The following GALNT17 variants were observed in gnomAD, a reference collection of about 807,000 sequenced individuals.
GALNT17 encodes UDP-GalNAc:polypeptide N-acetylgalactosaminyltransferase-like 3.
In GALNT17, 29 loss-of-function variants were observed where a neutral mutation model predicts 63.7. The ratio of observed to expected loss-of-function variants is 0.46; its 90% CI spans 0.34 to 0.62. The LOEUF (loss-of-function observed/expected upper bound fraction) is 0.62. Among genes scored for constraint, GALNT17 ranks in the 20% least tolerant of loss-of-function variants. The pLI, the probability that GALNT17 is intolerant of heterozygous loss-of-function variation, is 0.01. For missense variants in GALNT17, 603 were observed against 799.6 expected, an observed-to-expected ratio of 0.75 and a Z score of 2.97; for synonymous variants, 305 against 318.3, an observed-to-expected ratio of 0.96 and a Z score of 0.45.
In GALNT17 at chr7:71,378,182, G is replaced by A. The variant is rs539147378; in HGVS notation, c.423-10053G>A. 9.9e-5 allele frequency among the ~76,000 whole-genome samples: 15 copies of A among 152,256 alleles called. No homozygotes were observed. In the South Asian group the frequency reaches 3.1e-3, roughly 32 times the overall value. On this transcript the variant is annotated intron_variant, in intron 2 of 10. Transcript: ENST00000333538. ...TTTGTACGGGAGACTGCTCTGTGAG[G>A]GAACTGAGCTAATGAGGTGTGTTGT...
chr7:71,693,263 T>TACACACACACACACAC, intron 9 of GALNT17, among the ~76,000 whole-genome samples: 2 of 108,896 alleles, frequency 1.8e-5, no homozygotes, highest in African/African-American at 7.2e-5. Context: ...CACACACACA[T>TACACACACACACACAC]ACACACACAC....
At chr7:71,351,419 C>A (rs1216059209) in intron 2 of GALNT17, among the ~76,000 whole-genome samples, 1 of 151,968 alleles carries the variant, frequency 6.6e-6, no homozygotes, top group East Asian at 1.9e-4. Flanking sequence ...CCATCTGGAA[C>A]CTCAGGTCAC....
At chr7:71,392,754 G>A (rs552576427) in intron 3 of GALNT17, among the ~76,000 whole-genome samples, 2 of 152,134 alleles carry the variant, frequency 1.3e-5, no homozygotes, top group East Asian at 1.9e-4. Context: ...AATACCCAGG[G>A]GACCGGGAGT....
At chr7:71,336,325 G>A (rs1791906408) in intron 2 of GALNT17, among the ~76,000 whole-genome samples, 3 of 152,028 alleles carry the variant, frequency 2.0e-5, no homozygotes, top group African/African-American at 7.2e-5. Flanking sequence ...GATTACAGGT[G>A]TGAGCCACCA....
intron 1 of GALNT17, among the ~76,000 whole-genome samples, chr7:71,185,533 T>TG (rs1454250654): frequency 4.7e-5 from 7 of 148,302 alleles, no homozygotes; most frequent in Non-Finnish European, 9.0e-5. Flanking sequence ...TTTTTTTTTT[T>TG]TTTTTTTGAG....
intron 6 of GALNT17, among the ~76,000 whole-genome samples, chr7:71,641,479 G>T (rs150951209): frequency 1.2e-4 from 18 of 152,274 alleles, no homozygotes; most frequent in Non-Finnish European, 2.2e-4. Context: ...GGAAGTCCAA[G>T]ATCAAGGCAG....
chr7:71,245,158 C>A (rs1790071479), intron 1 of GALNT17, among the ~76,000 whole-genome samples: 1 of 152,146 alleles, frequency 6.6e-6, no homozygotes, highest in Non-Finnish European at 1.5e-5. Context: ...TGGCACCCAT[C>A]TGCCCTCGTC....
At chr7:71,707,396 C>T (rs970332629) in intron 9 of GALNT17, among the ~76,000 whole-genome samples, 3 of 152,078 alleles carry the variant, frequency 2.0e-5, no homozygotes, top group Non-Finnish European at 4.4e-5. Flanking sequence ...ATATAATTTT[C>T]CTTCCCCAGG....
At chr7:71,645,957 A>G (rs546776832) in intron 6 of GALNT17, among the ~76,000 whole-genome samples, 2 of 152,250 alleles carry the variant, frequency 1.3e-5, no homozygotes, top group African/African-American at 4.8e-5. Context: ...CCCTGGCTTT[A>G]AATTATCTGG....
intron 3 of GALNT17, among the ~76,000 whole-genome samples, chr7:71,398,348 G>A (rs79675855): frequency 0.087 from 13,168 of 151,054 alleles, 723 homozygotes; most frequent in Middle Eastern, 0.18. Context: ...CTTTATTCTC[G>A]CTTCAGTTTT....
intron 6 of GALNT17, among the ~76,000 whole-genome samples, chr7:71,576,669 C>G (rs1415647634): frequency 2.0e-5 from 3 of 152,070 alleles, no homozygotes; most frequent in Non-Finnish European, 4.4e-5. Flanking sequence ...CTCCCAGGTT[C>G]AAGTGATTCT....
intron 6 of GALNT17, among the ~76,000 whole-genome samples, chr7:71,621,687 C>T (rs567476037): frequency 5.6e-4 from 86 of 152,260 alleles, no homozygotes; most frequent in African/African-American, 2.0e-3. Flanking sequence ...GGATGGACAA[C>T]AGATAAAAAT....
intron 8 of GALNT17, among the ~76,000 whole-genome samples, chr7:71,672,027 CAAAAAAAAAA>C (rs55777129): frequency 1.9e-5 from 2 of 104,930 alleles, no homozygotes; most frequent in Non-Finnish European, 4.0e-5. Flanking sequence ...GACTCTGTCT[CAAAAAAAAAA>C]AAAAAAAAAA....
intron 5 of GALNT17, among the ~76,000 whole-genome samples, chr7:71,470,060 G>A (rs541975196): frequency 2.0e-5 from 3 of 152,046 alleles, no homozygotes; most frequent in Non-Finnish European, 4.4e-5. Flanking sequence ...AATAAAAAAC[G>A]TAGCCGTGCA....
intron 1 of GALNT17, among the ~76,000 whole-genome samples, chr7:71,179,315 T>G (rs1788694807): frequency 1.3e-5 from 2 of 152,218 alleles, no homozygotes; most frequent in Non-Finnish European, 2.9e-5. Flanking sequence ...TTGTCCTGCC[T>G]TTCCGGACTG....
At chr7:71,563,244 G>A (rs1789284741) in intron 5 of GALNT17, among the ~76,000 whole-genome samples, 1 of 152,214 alleles carries the variant, frequency 6.6e-6, no homozygotes, top group Non-Finnish European at 1.5e-5. Flanking sequence ...GACTTTGAAG[G>A]ATGAGGCTGG....
chr7:71,366,254 A>G (rs1479626720), intron 2 of GALNT17, among the ~76,000 whole-genome samples: 1 of 151,950 alleles, frequency 6.6e-6, no homozygotes, highest in African/African-American at 2.4e-5. Context: ...TCCGAGGCCT[A>G]GGGGTTGGGG....
At chr7:71,612,801 C>T (rs893895303) in intron 6 of GALNT17, among the ~76,000 whole-genome samples, 3 of 152,188 alleles carry the variant, frequency 2.0e-5, no homozygotes, top group Admixed American at 6.5e-5. Context: ...CTAGTTTATT[C>T]TCACACATGC....
At chr7:71,170,588 G>C in intron 1 of GALNT17, among the ~76,000 whole-genome samples, 1 of 151,996 alleles carries the variant, frequency 6.6e-6, no homozygotes, top group Non-Finnish European at 1.5e-5. Context: ...CTCCCACCTC[G>C]GCCTCCCAAA....
Sources: gnomAD v4.1 joint callset for allele counts (sites outside exome capture counted in the v4.1 genomes callset) on GRCh38, gnomAD v4.1.1 for gene constraint, MANE v1.5 for transcripts, NCBI Gene and HGNC (gene_info 2026-07-23, HGNC 2026-07-21) for gene names.